Variants in AGBL4 observed in about 807,000 individuals in gnomAD.
AGBL4 encodes AGBL carboxypeptidase 4.
Under a neutral mutation model 66.4 loss-of-function variants are expected in AGBL4, and 58 were observed. The ratio of observed to expected loss-of-function variants is 0.87; its 90% confidence interval spans 0.71 to 1.09. The LOEUF (loss-of-function observed/expected upper bound fraction) is 1.09, where lower values mean the gene tolerates loss of function less well. Ranked by LOEUF, AGBL4 falls within the 50% of genes least tolerant of loss-of-function variation. The probability of loss-of-function intolerance (pLI) is 0.00; values close to 1 mark genes in which losing one functional copy is unlikely to be tolerated. For missense variants in AGBL4, 579 were observed against 631.0 expected (o/e 0.92, Z 0.88); for synonymous variants, 234 against 222.9 (o/e 1.05, Z -0.44).
chr1:49,820,553 A>G (rs1299593091), intron 2 of AGBL4, among the ~76,000 whole-genome samples: 1 of 152,270 alleles, frequency 6.6e-6, no homozygotes, highest in South Asian at 2.1e-4. Context: ...TGCATGCAAT[A>G]AGCCCTCACA....
intron 3 of AGBL4, among the ~76,000 whole-genome samples, chr1:49,668,418 T>C (rs1302122872): frequency 1.3e-5 from 2 of 152,208 alleles, no homozygotes; most frequent in African/African-American, 2.4e-5. Flanking sequence ...GAAATAATTG[T>C]CAAGTCAATC....
At chr1:49,822,586 T>C (rs1248145244) in intron 2 of AGBL4, among the ~76,000 whole-genome samples, 2 of 152,118 alleles carry the variant, frequency 1.3e-5, no homozygotes, top group Admixed American at 6.5e-5. Context: ...CTAAATAAAA[T>C]TATCCAAATT....
chr1:48,676,409 TG>T (rs1356668832), intron 6 of AGBL4, among the ~76,000 whole-genome samples: 1 of 152,258 alleles, frequency 6.6e-6, no homozygotes, highest in African/African-American at 2.4e-5. Context: ...TCTCTGAGTG[TG>T]TGAGCCCAGG....
intron 2 of AGBL4, among the ~76,000 whole-genome samples, chr1:49,769,647 C>A (rs1386964290): frequency 6.6e-6 from 1 of 151,954 alleles, no homozygotes; most frequent in Non-Finnish European, 1.5e-5. Context: ...ATAGAGAACC[C>A]AGAAATAAAG....
intron 4 of AGBL4, among the ~76,000 whole-genome samples, chr1:49,199,818 G>A (rs549359157): frequency 6.6e-6 from 1 of 152,260 alleles, no homozygotes; most frequent in Admixed American, 6.5e-5. Context: ...TACATCCAGT[G>A]TTGTAGTTGG....
chr1:50,004,487 C>G (rs1003524846), intron 1 of AGBL4, among the ~76,000 whole-genome samples: 1 of 152,146 alleles, frequency 6.6e-6, no homozygotes, highest in Admixed American at 6.5e-5. Context: ...GGCAGTGCAG[C>G]TTACAGCAAC....
At chr1:49,191,954 T>G (rs548172211) in intron 4 of AGBL4, among the ~76,000 whole-genome samples, 1 of 152,166 alleles carries the variant, frequency 6.6e-6, no homozygotes, top group Non-Finnish European at 1.5e-5. Flanking sequence ...GTAGAACAAT[T>G]TACTTTCCTT....
intron 3 of AGBL4, among the ~76,000 whole-genome samples, chr1:49,283,529 G>A (rs554998367): frequency 6.6e-6 from 1 of 152,366 alleles, no homozygotes; most frequent in East Asian, 1.9e-4. Context: ...GAATGACTTT[G>A]ACGAGCTGAG....
intron 3 of AGBL4, among the ~76,000 whole-genome samples, chr1:49,500,130 T>C (rs924600318): frequency 2.0e-5 from 3 of 152,146 alleles, no homozygotes; most frequent in Non-Finnish European, 4.4e-5. Context: ...TTATTAGTGA[T>C]GGTGAGCATT....
intron 3 of AGBL4, among the ~76,000 whole-genome samples, chr1:49,480,346 G>T (rs934801663): frequency 6.6e-6 from 1 of 151,846 alleles, no homozygotes; most frequent in Non-Finnish European, 1.5e-5. Flanking sequence ...GTGTTAGATG[G>T]TATCTCATTG....
intron 3 of AGBL4, among the ~76,000 whole-genome samples, chr1:49,391,135 G>T (rs1644836791): frequency 6.6e-6 from 1 of 152,168 alleles, no homozygotes; most frequent in African/African-American, 2.4e-5. Flanking sequence ...TGTGGGAACT[G>T]GTAATAGTTG....
intron 3 of AGBL4, among the ~76,000 whole-genome samples, chr1:49,336,890 T>C (rs1291215736): frequency 2.0e-5 from 3 of 152,176 alleles, no homozygotes; most frequent in Admixed American, 1.3e-4. Flanking sequence ...AAAATGAGGA[T>C]GATAGTATCT....
chr1:49,578,407 GA>G (rs973837781), intron 3 of AGBL4, among the ~76,000 whole-genome samples: 2 of 151,788 alleles, frequency 1.3e-5, no homozygotes, highest in Admixed American at 1.3e-4. Context: ...ACTCCACCAG[GA>G]AAAAAAACCA....
chr1:49,062,820 G>A (rs1234176169), intron 4 of AGBL4, among the ~76,000 whole-genome samples: 1 of 152,156 alleles, frequency 6.6e-6, no homozygotes, highest in African/African-American at 2.4e-5. Context: ...TCACATGCAA[G>A]AATGCCTCTA....
At chr1:48,893,641 C>T (rs1651204907) in intron 5 of AGBL4, among the ~76,000 whole-genome samples, 2 of 151,622 alleles carry the variant, frequency 1.3e-5, no homozygotes, top group African/African-American at 2.4e-5. Flanking sequence ...GCCGAGATGG[C>T]GCCACTGCAC....
At chr1:49,732,617 G>A (rs1225789474) in intron 2 of AGBL4, among the ~76,000 whole-genome samples, 1 of 152,072 alleles carries the variant, frequency 6.6e-6, no homozygotes, top group Non-Finnish European at 1.5e-5. Context: ...TAGTGTGGAA[G>A]AATACAATAA....
chr1:49,865,964 C>G (rs983806863), intron 1 of AGBL4: 2 of 390,604 alleles, frequency 5.1e-6, no homozygotes, highest in Admixed American at 5.3e-5. Flanking sequence ...ATTTTGCAAC[C>G]ACAAGTATCA....
chr1:49,601,562 A>G (rs1644959301), intron 3 of AGBL4, among the ~76,000 whole-genome samples: 1 of 152,178 alleles, frequency 6.6e-6, no homozygotes, highest in Admixed American at 6.5e-5. Flanking sequence ...ATCTACAACC[A>G]TGTGATCTGT....
At chr1:48,558,684 T>A (rs1644356135) in intron 11 of AGBL4, among the ~76,000 whole-genome samples, 1 of 152,354 alleles carries the variant, frequency 6.6e-6, no homozygotes, top group Middle Eastern at 3.4e-3. Context: ...ATGAAGCCAA[T>A]GCCCAAGAAA....
Sources: allele counts gnomAD v4.1 joint callset (sites outside exome capture counted in the v4.1 genomes callset), GRCh38; gene constraint gnomAD v4.1.1; transcripts MANE v1.5; gene names NCBI Gene and HGNC (gene_info 2026-07-23, HGNC 2026-07-21).